The following SATB2 variants were observed in gnomAD, a reference collection of about 807,000 sequenced individuals.
The protein encoded by SATB2 is SATB homeobox 2, also known as DNA-binding protein SATB2.
A neutral mutation model predicts 73.4 loss-of-function variants in SATB2; 1 was observed. That is an observed-to-expected ratio of 0.01 (90% confidence interval 0.00 to 0.06). The LOEUF (loss-of-function observed/expected upper bound fraction) is 0.06. Ranked by LOEUF, SATB2 falls within the 10% of genes least tolerant of loss-of-function variation. SATB2 has a pLI of 1.00. For missense variants in SATB2, 459 were observed against 945.8 expected (o/e 0.49, Z 6.75); for synonymous variants, 397 against 367.0 (o/e 1.08, Z -0.93).
intron 3 of SATB2, among the ~76,000 whole-genome samples, chr2:199,429,812 A>T (rs932378566): frequency 7.2e-5 from 11 of 152,216 alleles, no homozygotes; most frequent in African/African-American, 2.4e-4. Context: ...TGGGAGCCTA[A>T]GGCAGGAGAA....
At chr2:199,354,310 T>G (rs1178708434) in intron 6 of SATB2, among the ~76,000 whole-genome samples, 1 of 152,140 alleles carries the variant, frequency 6.6e-6, no homozygotes, top group Non-Finnish European at 1.5e-5. Flanking sequence ...GAGTCGAGAT[T>G]GTGCCACTGC....
At chr2:199,445,180 G>A (rs891632010) in intron 2 of SATB2, among the ~76,000 whole-genome samples, 16 of 152,296 alleles carry the variant, frequency 1.1e-4, no homozygotes, top group Admixed American at 4.6e-4. Flanking sequence ...TCCCGTTATG[G>A]AGCTGAGAAT....
intron 3 of SATB2, among the ~76,000 whole-genome samples, chr2:199,414,113 A>T (rs1166007072): frequency 1.3e-5 from 2 of 152,156 alleles, no homozygotes; most frequent in Non-Finnish European, 2.9e-5. Flanking sequence ...TTTACAATAG[A>T]TTCAAGTTCT....
At chr2:199,380,218 G>A (rs1689728552) in intron 5 of SATB2, 146 bp downstream of exon 5, 1 of 1,068,194 alleles carries the variant, frequency 9.4e-7, no homozygotes, top group Non-Finnish European at 1.4e-6. Context: ...ACAACCAGAA[G>A]CAACATAATC....
chr2:199,362,356 GC>G (rs1689164396), intron 6 of SATB2, among the ~76,000 whole-genome samples: 1 of 57,218 alleles, frequency 1.7e-5, no homozygotes, highest in Non-Finnish European at 3.5e-5. Context: ...CTCCCTAACC[GC>G]CCACCCCCCA....
chr2:199,338,384 G>A (rs1336842077), intron 7 of SATB2, among the ~76,000 whole-genome samples: 36 of 146,274 alleles, frequency 2.5e-4, no homozygotes, highest in African/African-American at 3.8e-4. Context: ...AAACAAACAA[G>A]AAAAAAAAAA....
intron 3 of SATB2, among the ~76,000 whole-genome samples, chr2:199,421,630 C>A (rs963736956): frequency 6.6e-6 from 1 of 152,146 alleles, no homozygotes; most frequent in African/African-American, 2.4e-5. Flanking sequence ...CCAACCCGCA[C>A]AATACTGCGT....
chr2:199,422,129 T>C (rs1036130244), intron 3 of SATB2, among the ~76,000 whole-genome samples: 1 of 152,088 alleles, frequency 6.6e-6, no homozygotes, highest in African/African-American at 2.4e-5. Flanking sequence ...AAGTTATACA[T>C]TATAATGTTA....
At chr2:199,431,575 T>C (rs1163747102) in intron 3 of SATB2, among the ~76,000 whole-genome samples, 1 of 152,268 alleles carries the variant, frequency 6.6e-6, no homozygotes, top group Non-Finnish European at 1.5e-5. Context: ...ATAATCACTT[T>C]TGACTTGTTC....
At chr2:199,299,162 G>C (rs1439117906) in intron 10 of SATB2, among the ~76,000 whole-genome samples, 1 of 152,200 alleles carries the variant, frequency 6.6e-6, no homozygotes, top group African/African-American at 2.4e-5. Flanking sequence ...CATAAAAAGA[G>C]AAGTGTTTAT....
chr2:199,450,468 G>C (rs759179021), intron 2 of SATB2, among the ~76,000 whole-genome samples: 2 of 151,992 alleles, frequency 1.3e-5, no homozygotes, highest in Non-Finnish European at 2.9e-5. Flanking sequence ...ACAATATAAA[G>C]AATTCTTTAT....
At position 199,457,414 on chromosome 2, in the gene SATB2, G is replaced by A. The variant is rs1437834104; in HGVS notation, c.-135C>T. 1 of 152,892 alleles carries A rather than the reference G, an allele frequency of 6.5e-6. No homozygotes were observed. The highest frequency in any genetic ancestry group is 2.4e-5 in the African/African-American group (1 of 41,472). 9.5% of individuals were successfully genotyped at this position (152,892 alleles called of 1,614,324 possible). A position where few individuals can be genotyped will look rare whatever the true frequency, so the allele number is the denominator to read the frequency against. ...AAAAGTAGAGAATCCAGGGTGGAAAGTTTCTGGTGCTTGGCTTTGCAGTGT... is the reference window on the plus strand; with the variant it reads ...AAAAGTAGAGAATCCAGGGTGGAAAATTTCTGGTGCTTGGCTTTGCAGTGT... On this transcript the variant is annotated 5_prime_UTR_variant, in exon 1 of 11. Coordinates refer to ENST00000417098, the MANE Select transcript of SATB2 (RefSeq NM_001172509.2). The surrounding 1 kb of genome is among the most constrained non-coding windows in gnomAD (Gnocchi z 4.8).
chr2:199,456,775 T>A (rs553713955), intron 1 of SATB2, among the ~76,000 whole-genome samples: 16 of 152,246 alleles, frequency 1.1e-4, no homozygotes, highest in Non-Finnish European at 2.4e-4. Flanking sequence ...AGCGTTCTTA[T>A]CTTCATCTGA....
At chr2:199,344,259 C>A (rs1189349380) in intron 7 of SATB2, among the ~76,000 whole-genome samples, 3 of 152,088 alleles carry the variant, frequency 2.0e-5, no homozygotes, top group African/African-American at 7.2e-5. Context: ...ACACACAACA[C>A]ACACACACAC....
At chr2:199,289,025 G>T (rs1692769055) in intron 10 of SATB2, among the ~76,000 whole-genome samples, 1 of 152,218 alleles carries the variant, frequency 6.6e-6, no homozygotes, top group Admixed American at 6.5e-5. Flanking sequence ...GGCTTTCTTG[G>T]TATTATTTTC....
chr2:199,329,734 T>C (rs981443297), intron 7 of SATB2, among the ~76,000 whole-genome samples: 2 of 152,186 alleles, frequency 1.3e-5, no homozygotes, highest in Admixed American at 1.3e-4. Context: ...AGGGTTTTCA[T>C]GTGCTCTGAC....
intron 9 of SATB2, among the ~76,000 whole-genome samples, chr2:199,318,869 T>C (rs1246766812): frequency 3.9e-5 from 6 of 152,076 alleles, no homozygotes; most frequent in Non-Finnish European, 4.4e-5. Flanking sequence ...GTCAAGCAAA[T>C]TAGACCACCT....
intron 5 of SATB2, among the ~76,000 whole-genome samples, chr2:199,378,872 T>C (rs1384034197): frequency 5.3e-5 from 8 of 152,180 alleles, no homozygotes; most frequent in African/African-American, 1.9e-4. Context: ...GGTAAGGTTA[T>C]AGAGGCTTGT....
intron 3 of SATB2, among the ~76,000 whole-genome samples, chr2:199,405,284 AT>A (rs1188401655): frequency 7.2e-5 from 11 of 152,192 alleles, no homozygotes; most frequent in Non-Finnish European, 1.5e-4. Flanking sequence ...TCTGCATAAT[AT>A]TGGTTTCATC....
Sources: gnomAD v4.1 joint callset for allele counts (sites outside exome capture counted in the v4.1 genomes callset) on GRCh38, gnomAD v4.1.1 for gene constraint, Gnocchi (gnomAD v3.1) non-coding constraint, MANE v1.5 for transcripts, NCBI Gene and HGNC (gene_info 2026-07-23, HGNC 2026-07-21) for gene names.